Variants in PRKCA observed in about 807,000 individuals in gnomAD.
The protein encoded by PRKCA is protein kinase C alpha, also known as protein kinase C alpha type.
Under a neutral mutation model 87.0 loss-of-function variants are expected in PRKCA, and 27 were observed. That is an observed-to-expected ratio of 0.31 (90% CI 0.23 to 0.43). The LOEUF (loss-of-function observed/expected upper bound fraction) is 0.43, where lower values mean the gene tolerates loss of function less well. PRKCA is among the 20% of genes least tolerant of loss of function. PRKCA has a pLI of 1.00. For missense variants in PRKCA, 518 were observed against 852.3 expected, an observed-to-expected ratio of 0.61 and a Z score of 4.88; for synonymous variants, 329 against 311.1, an observed-to-expected ratio of 1.06 and a Z score of -0.61.
intron 5 of PRKCA, among the ~76,000 whole-genome samples, chr17:66,679,174 C>CTTTTTTTT (rs10714678): frequency 2.5e-5 from 3 of 121,056 alleles, no homozygotes; most frequent in Non-Finnish European, 1.7e-5. Flanking sequence ...ACACTCACAC[C>CTTTTTTTT]TTTTTTTTTT....
intron 3 of PRKCA, among the ~76,000 whole-genome samples, chr17:66,639,893 G>A (rs1006096386): frequency 6.6e-6 from 1 of 152,196 alleles, no homozygotes; most frequent in Non-Finnish European, 1.5e-5. Flanking sequence ...TACTTGGGAG[G>A]CTGAGACAGG....
chr17:66,609,787 A>AT (rs1970300285), intron 3 of PRKCA, among the ~76,000 whole-genome samples: 1 of 150,972 alleles, frequency 6.6e-6, no homozygotes, highest in African/African-American at 2.5e-5. Flanking sequence ...GCAAGGCTTT[A>AT]TTTTATTTTT....
chr17:66,583,370 A>G (rs1969502410), intron 3 of PRKCA, among the ~76,000 whole-genome samples: 1 of 152,160 alleles, frequency 6.6e-6, no homozygotes. Flanking sequence ...CTGTTCTGTT[A>G]CTCATAAAAA....
intron 2 of PRKCA, among the ~76,000 whole-genome samples, chr17:66,462,922 GCAAACA>G (rs902950079): frequency 1.8e-5 from 2 of 112,812 alleles, no homozygotes; most frequent in African/African-American, 4.2e-5. Context: ...GTGCACACAT[GCAAACA>G]CACACACACA....
At chr17:66,304,670 G>T (rs912523217) in intron 1 of PRKCA, among the ~76,000 whole-genome samples, 2 of 152,176 alleles carry the variant, frequency 1.3e-5, no homozygotes, top group Non-Finnish European at 2.9e-5. Context: ...ATCGTGGTGC[G>T]AATAAGGTGT....
chr17:66,485,707 T>C (rs1915965151), intron 2 of PRKCA, among the ~76,000 whole-genome samples: 5 of 152,024 alleles, frequency 3.3e-5, no homozygotes, highest in African/African-American at 7.2e-5. Flanking sequence ...GTGAGTGACA[T>C]TGAAGCAGGG....
intron 13 of PRKCA, among the ~76,000 whole-genome samples, chr17:66,751,000 G>A (rs1313376300): frequency 6.6e-6 from 1 of 152,192 alleles, no homozygotes; most frequent in Non-Finnish European, 1.5e-5. Flanking sequence ...GGCTTTCAGA[G>A]CTCAGATAAT....
chr17:66,781,868 G>GAGATATATATATATATATATATAT (rs1491546533), intron 14 of PRKCA, among the ~76,000 whole-genome samples: 2 of 99,322 alleles, frequency 2.0e-5, no homozygotes, highest in African/African-American at 7.6e-5. Flanking sequence ...GAGAGAGAGA[G>GAGATATATATATATATATATATAT]ATATATATAT....
At chr17:66,507,296 G>GTAGT (rs1370710724) in intron 3 of PRKCA, among the ~76,000 whole-genome samples, 1 of 152,184 alleles carries the variant, frequency 6.6e-6, no homozygotes, top group Non-Finnish European at 1.5e-5. Flanking sequence ...GAGGCTTGAG[G>GTAGT]TAGTTAAGTG....
chr17:66,567,885 A>G (rs977427199), intron 3 of PRKCA, among the ~76,000 whole-genome samples: 5 of 152,246 alleles, frequency 3.3e-5, no homozygotes, highest in Admixed American at 2.6e-4. Context: ...TACAACCAAG[A>G]TCTTCGTGAG....
chr17:66,650,556 T>C (rs1266384229), intron 5 of PRKCA, among the ~76,000 whole-genome samples: 1 of 152,208 alleles, frequency 6.6e-6, no homozygotes, highest in Admixed American at 6.5e-5. Flanking sequence ...GATAGATTAT[T>C]CTGAAGAAGA....
intron 2 of PRKCA, among the ~76,000 whole-genome samples, chr17:66,477,243 A>G (rs1248293190): frequency 2.0e-5 from 3 of 152,204 alleles, no homozygotes; most frequent in Non-Finnish European, 4.4e-5. Flanking sequence ...TAAAAATATC[A>G]TGTTAATGTT....
rs1463130829 is a variant in PRKCA at position 66,689,582 on chromosome 17, C to T, written c.918+535C>T. Reference sequence around the variant, plus strand: ...GATGTTTAGCAAAGGCCACCTCCTTCTCTTCTTCCTCTTGGTATTTGTGTT... The same window carrying T: ...GATGTTTAGCAAAGGCCACCTCCTTTTCTTCTTCCTCTTGGTATTTGTGTT... On this transcript the variant is annotated intron_variant, in intron 8 of 16. Transcript: ENST00000413366. The surrounding 1 kb of genome is among the most constrained non-coding windows in gnomAD (Gnocchi z 4.1). 6.6e-6 allele frequency among the ~76,000 whole-genome samples: 1 copy of T among 152,166 alleles called. No homozygotes were observed. Among genetic ancestry groups the T allele is most frequent in the Non-Finnish European group, 1.5e-5 (1 of 68,034 alleles).
At chr17:66,670,555 A>G (rs181837319) in intron 5 of PRKCA, among the ~76,000 whole-genome samples, 1 of 152,304 alleles carries the variant, frequency 6.6e-6, no homozygotes, top group East Asian at 1.9e-4. Context: ...CAGCAGTAGA[A>G]TTTAAACAAC....
intron 2 of PRKCA, among the ~76,000 whole-genome samples, chr17:66,368,924 A>G (rs1019588693): frequency 2.0e-5 from 3 of 151,906 alleles, no homozygotes; most frequent in Non-Finnish European, 4.4e-5. Context: ...AGACATCTCA[A>G]CCTCTCTAGC....
intron 13 of PRKCA, among the ~76,000 whole-genome samples, chr17:66,745,359 A>G (rs994323314): frequency 2.0e-5 from 3 of 152,148 alleles, no homozygotes; most frequent in South Asian, 2.1e-4. Flanking sequence ...ACCACCTTCT[A>G]TTGTCTACCG....
chr17:66,646,816 G>A (rs1430730505), intron 5 of PRKCA, among the ~76,000 whole-genome samples: 1 of 152,184 alleles, frequency 6.6e-6, no homozygotes, highest in Non-Finnish European at 1.5e-5. Context: ...CTGGGAGAGG[G>A]TAACAGTTTG....
At chr17:66,701,406 A>G (rs1201346227) in intron 8 of PRKCA, among the ~76,000 whole-genome samples, 1 of 152,088 alleles carries the variant, frequency 6.6e-6, no homozygotes, top group East Asian at 1.9e-4. Context: ...GGTTTTTTGG[A>G]TATGACACCA....
At chr17:66,504,956 G>T (rs1916907801) in intron 3 of PRKCA, among the ~76,000 whole-genome samples, 1 of 152,100 alleles carries the variant, frequency 6.6e-6, no homozygotes, top group East Asian at 1.9e-4. Flanking sequence ...CCCCTCCCAT[G>T]AGCCTCTGAG....
Sources: allele counts gnomAD v4.1 joint callset (sites outside exome capture counted in the v4.1 genomes callset), GRCh38; gene constraint gnomAD v4.1.1; non-coding constraint Gnocchi (gnomAD v3.1); transcripts MANE v1.5; gene names NCBI Gene and HGNC (gene_info 2026-07-23, HGNC 2026-07-21).